The following WDR41 variants were observed in gnomAD, a reference collection of about 807,000 sequenced individuals.
WDR41 encodes the protein WD repeat domain 41, also known as WD repeat-containing protein 41.
In WDR41, 63 loss-of-function variants were observed where a neutral mutation model predicts 69.3. The observed-to-expected ratio is 0.91, with a 90% CI of 0.74 to 1.12. The LOEUF is 1.12. Ranked by LOEUF, WDR41 falls within the 50% of genes most tolerant of loss-of-function variation. WDR41 has a pLI of 0.00. For missense variants in WDR41, 543 were observed against 534.5 expected, an observed-to-expected ratio of 1.02 and a Z score of -0.16; for synonymous variants, 185 against 192.1, an observed-to-expected ratio of 0.96 and a Z score of 0.31.
Position 77,582,881 on chromosome 5 carries a change from T to A in WDR41, c.42+37598A>T. On this transcript the variant is annotated intron_variant, in intron 1 of 5. Transcript: ENST00000509971. ...AAAATCAATAAGAAGCGAATTGCTT[T>A]GACAGATAACGCTTTGATTGCTCGA... 6 of 1,606,866 alleles carry A rather than the reference T, an allele frequency of 3.7e-6. No homozygotes were observed. The South Asian group carries it at 6.6e-5, about 18-fold the overall frequency.
chr5:77,504,438 C>T (rs10038780), intron 1 of WDR41, among the ~76,000 whole-genome samples: 49,350 of 151,902 alleles, frequency 0.32, 8,118 homozygotes, highest in East Asian at 0.36. Context: ...TGAATTCTAC[C>T]AGAGGTACAA....
intron 1 of WDR41, among the ~76,000 whole-genome samples, chr5:77,515,668 A>G (rs1159856099): frequency 6.6e-6 from 1 of 152,200 alleles, no homozygotes; most frequent in Non-Finnish European, 1.5e-5. Context: ...TGAGTCATGC[A>G]TTGCACTTTG....
intron 12 of WDR41, among the ~76,000 whole-genome samples, chr5:77,434,772 T>C (rs1048159723): frequency 3.9e-5 from 6 of 152,184 alleles, no homozygotes; most frequent in Non-Finnish European, 8.8e-5. Context: ...AAGCTGGAGA[T>C]GCTTTTTAAA....
chr5:77,540,129 C>A (rs967251119), intron 1 of WDR41, among the ~76,000 whole-genome samples: 13 of 152,200 alleles, frequency 8.5e-5, no homozygotes, highest in Admixed American at 1.3e-4. Context: ...TATGGCATCT[C>A]ATCACTCCTG....
intron 1 of WDR41, among the ~76,000 whole-genome samples, chr5:77,490,405 G>A (rs1294886716): frequency 2.6e-5 from 4 of 152,090 alleles, no homozygotes; most frequent in African/African-American, 4.8e-5. Flanking sequence ...ATTGCCAAAT[G>A]TCTCCTGCGG....
At chr5:77,595,498 A>G (rs1744211527) in intron 1 of WDR41, among the ~76,000 whole-genome samples, 1 of 152,190 alleles carries the variant, frequency 6.6e-6, no homozygotes, top group Non-Finnish European at 1.5e-5. Context: ...CAGCAGAGAA[A>G]TGTTGTTCAC....
At chr5:77,501,953 A>G (rs900441990) in intron 1 of WDR41, among the ~76,000 whole-genome samples, 3 of 152,204 alleles carry the variant, frequency 2.0e-5, no homozygotes, top group Admixed American at 6.5e-5. Flanking sequence ...AATTCTAAAC[A>G]CCAGAGTACC....
intron 8 of WDR41, 99 bp downstream of exon 8, chr5:77,449,648 ATTATTTTAGTGAC>A: frequency 1.4e-6 from 1 of 709,510 alleles, no homozygotes; most frequent in East Asian, 2.7e-5. Context: ...TGACAATCCC[ATTATTTTAGTGAC>A]TTATTCTAGA....
In WDR41 at chr5:77,459,585, T is replaced by C. The variant is rs116810721; in HGVS notation, c.349-461A>G. On this transcript the variant is annotated intron_variant, in intron 4 of 12. Transcript: ENST00000296679. ...ATTCGAGAAGACACTAACAGTGTATTACTATTACCTGTATGTGCATTTAAT... is the reference window on the plus strand; with the variant it reads ...ATTCGAGAAGACACTAACAGTGTATCACTATTACCTGTATGTGCATTTAAT... 4.8e-3 allele frequency among the ~76,000 whole-genome samples: 737 copies of C among 152,292 alleles called. 2 individuals carry two copies. The highest frequency in any genetic ancestry group is 0.017 in the African/African-American group (708 of 41,562).
At chr5:77,545,372 T>G (rs1743173869) in intron 1 of WDR41, 1 of 155,120 alleles carries the variant, frequency 6.4e-6, no homozygotes, top group Non-Finnish European at 1.4e-5. Flanking sequence ...ACAAGTCAGC[T>G]TCTTCAAGAA....
chr5:77,471,962 C>G (rs1488179999), intron 2 of WDR41, among the ~76,000 whole-genome samples: 1 of 152,118 alleles, frequency 6.6e-6, no homozygotes, highest in African/African-American at 2.4e-5. Context: ...CGGGCAGAGA[C>G]ATAACCAAAA....
intron 1 of WDR41, among the ~76,000 whole-genome samples, chr5:77,525,531 A>G (rs1376741301): frequency 6.6e-6 from 1 of 152,202 alleles, no homozygotes; most frequent in Non-Finnish European, 1.5e-5. Context: ...GCTGGCAGAA[A>G]ACAGGAACCA....
rs1045260875 is a variant in WDR41, at chr5:77,431,194, C to T, written c.*1941G>A. On this transcript the variant is annotated 3_prime_UTR_variant, in exon 13 of 13. Coordinates refer to ENST00000296679, the MANE Select transcript of WDR41 (RefSeq NM_018268.4). Reference sequence around the variant, plus strand: ...ATAGTATTACATGTTACAGAGATCTCATTTGTGAAAGGAAGTCAATTGATT... The same window carrying T: ...ATAGTATTACATGTTACAGAGATCTTATTTGTGAAAGGAAGTCAATTGATT... 6.6e-6 allele frequency: 1 copy of T among 152,156 alleles called. No individual in the cohort carries two copies. Among genetic ancestry groups the T allele is most frequent in the African/African-American group, 2.4e-5 (1 of 41,440 alleles). 9.4% of individuals were successfully genotyped at this position (152,156 alleles called of 1,614,324 possible). A position where few individuals can be genotyped will look rare whatever the true frequency, so the allele number is the denominator to read the frequency against.
intron 1 of WDR41, among the ~76,000 whole-genome samples, chr5:77,571,657 G>A (rs985806737): frequency 6.6e-6 from 1 of 152,190 alleles, no homozygotes; most frequent in Non-Finnish European, 1.5e-5. Flanking sequence ...GGTCTTGACT[G>A]CTGGCTGGAT....
At chr5:77,559,060 A>G (rs940566159) in intron 1 of WDR41, among the ~76,000 whole-genome samples, 18 of 152,218 alleles carry the variant, frequency 1.2e-4, no homozygotes, top group African/African-American at 4.1e-4. Context: ...GCTCAAGAAT[A>G]AATAACAGAC....
At chr5:77,509,604 A>C (rs1056726951) in intron 1 of WDR41, among the ~76,000 whole-genome samples, 2 of 152,252 alleles carry the variant, frequency 1.3e-5, no homozygotes, top group Non-Finnish European at 2.9e-5. Flanking sequence ...CACAAAGACC[A>C]CATGCTATGA....
intron 1 of WDR41, among the ~76,000 whole-genome samples, chr5:77,589,401 G>T (rs1339700609): frequency 6.6e-6 from 1 of 152,074 alleles, no homozygotes; most frequent in Non-Finnish European, 1.5e-5. Context: ...AGGGGTTTGA[G>T]ATTGCATTAC....
chr5:77,498,979 A>G (rs940823567), intron 1 of WDR41, among the ~76,000 whole-genome samples: 3 of 152,212 alleles, frequency 2.0e-5, no homozygotes, highest in African/African-American at 7.2e-5. Context: ...AGAGAATAAA[A>G]AATAAGCAAT....
chr5:77,436,112 C>T, intron 12 of WDR41, 149 bp downstream of exon 12: 1 of 1,027,480 alleles, frequency 9.7e-7, no homozygotes. Flanking sequence ...ACTGCACATA[C>T]TATAGCCTAT....
Sources: allele counts gnomAD v4.1 joint callset (sites outside exome capture counted in the v4.1 genomes callset), GRCh38; gene constraint gnomAD v4.1.1; transcripts MANE v1.5; gene names NCBI Gene and HGNC (gene_info 2026-07-23, HGNC 2026-07-21).